Variants in CNGA3 observed in about 807,000 individuals in gnomAD.
CNGA3 encodes cyclic nucleotide-gated channel alpha-3.
A neutral mutation model predicts 46.6 loss-of-function variants in CNGA3; 42 were observed. That is an observed-to-expected ratio of 0.90 (90% CI 0.70 to 1.17). The LOEUF is 1.17. Among genes scored for constraint, CNGA3 ranks in the 50% most tolerant of loss-of-function variants. The pLI is 0.00. For synonymous variants in CNGA3, 394 were observed against 369.4 expected, an observed-to-expected ratio of 1.07 and a Z score of -0.76; for missense variants, 893 against 890.7, an observed-to-expected ratio of 1.00 and a Z score of -0.03.
intron 1 of CNGA3, among the ~76,000 whole-genome samples, chr2:98,349,420 C>G (rs1691725969): frequency 6.6e-6 from 1 of 152,192 alleles, no homozygotes; most frequent in South Asian, 2.1e-4. Context: ...ATAGGCACCT[C>G]TAAAAGCTTC....
chr2:98,377,421 A>G (rs909742104), intron 2 of CNGA3: 13 of 445,894 alleles, frequency 2.9e-5, no homozygotes, highest in Non-Finnish European at 5.0e-5. Flanking sequence ...GATGAGGGCC[A>G]GGCCAGCATG....
intron 5 of CNGA3, among the ~76,000 whole-genome samples, chr2:98,386,899 C>T (rs1460361948): frequency 1.3e-5 from 2 of 152,284 alleles, no homozygotes; most frequent in East Asian, 3.9e-4. Context: ...TCCAAACGAG[C>T]AGGAATCAGA....
intron 2 of CNGA3, chr2:98,377,471 T>C (rs1395277554): frequency 1.2e-5 from 7 of 563,332 alleles, no homozygotes; most frequent in Non-Finnish European, 2.3e-5. Context: ...CCCTGGACAG[T>C]AGCTACCTTC....
intron 1 of CNGA3, among the ~76,000 whole-genome samples, chr2:98,351,420 G>T (rs1247931616): frequency 6.6e-6 from 1 of 152,152 alleles, no homozygotes; most frequent in Admixed American, 6.5e-5. Flanking sequence ...GGCTTTATAA[G>T]GGGGAGCGTC....
intron 1 of CNGA3, among the ~76,000 whole-genome samples, chr2:98,366,900 G>A (rs1426162744): frequency 6.6e-6 from 1 of 152,168 alleles, no homozygotes; most frequent in Non-Finnish European, 1.5e-5. Context: ...CGAGGGAATC[G>A]CCTGATCTGT....
chr2:98,352,101 A>G (rs1160474350), intron 1 of CNGA3, among the ~76,000 whole-genome samples: 1 of 152,182 alleles, frequency 6.6e-6, no homozygotes, highest in Non-Finnish European at 1.5e-5. Flanking sequence ...CATGTACATG[A>G]AATTATATAT....
intron 1 of CNGA3, among the ~76,000 whole-genome samples, chr2:98,347,497 G>A (rs1020480057): frequency 2.0e-5 from 3 of 152,232 alleles, no homozygotes; most frequent in Non-Finnish European, 2.9e-5. Context: ...TCCCTACTGA[G>A]CGGCGCAGCT....
chr2:98,377,855 A>C lies in CNGA3; in HGVS notation c.215+55A>C, dbSNP rs544289005. ...GCCTGGGGGACACTGTTGCAGAAAG[A>C]AGGTAGTGACCTCTCAGGAAAAAGT... is the stretch of plus-strand genomic sequence containing the variant. On this transcript the variant is annotated intron_variant, in intron 3 of 7. Transcript: ENST00000272602. 14 of 1,511,250 alleles carry C rather than the reference A, an allele frequency of 9.3e-6. 1 individual carries two copies. The South Asian group carries it at 1.4e-4, about 16-fold the overall frequency. 93.6% of individuals were successfully genotyped at this position (1,511,250 alleles called of 1,614,324 possible).
At position 98,396,534 on chromosome 2, in the gene CNGA3, A is replaced by C. The variant is rs1482468950; in HGVS notation, c.1364A>C (p.Glu455Ala). 1.2e-6 allele frequency: 2 copies of C among 1,614,002 alleles called. No individual in the cohort carries two copies. The highest frequency in any genetic ancestry group is 1.7e-6 in the Non-Finnish European group (2 of 1,180,012). ...WANKKTVDEK[E>A]VLKSLPDKLK... ...AACAAGAAGACGGTGGATGAGAAGG[A>C]GGTGCTCAAGAGCCTCCCAGACAAG... The change falls in exon 8 of 8, where the codon GAG becomes GCG. Residue 455 changes from glutamate to alanine, a missense_variant. By Grantham distance (107) the Glu-to-Ala change is moderately radical. This residue lies in a region of CNGA3 where 548 missense variants were observed against 570.8 expected (regional missense o/e 0.96). Coordinates refer to ENST00000272602, the MANE Select transcript of CNGA3 (RefSeq NM_001298.3).
chr2:98,359,098 A>C (rs1221022277), intron 1 of CNGA3, among the ~76,000 whole-genome samples: 1 of 152,190 alleles, frequency 6.6e-6, no homozygotes, highest in Non-Finnish European at 1.5e-5. Context: ...AAGCCAACCC[A>C]GATGTCCATT....
rs1692943883 is a variant in CNGA3 at position 98,397,236 on chromosome 2, CAG to C, written c.2069_2070del (p.Glu690GlyfsTer21). On this transcript the variant is annotated frameshift_variant, in exon 8 of 8. Coordinates refer to ENST00000272602, the MANE Select transcript of CNGA3 (RefSeq NM_001298.3). LOFTEE classifies it high-confidence loss of function. Reference sequence around the variant, plus strand: ...GAAGTTCCCGGGGATGCTACAAAAACAGAGGACAAACAACAGTGAAAATGCAG... The same window carrying C: ...GAAGTTCCCGGGGATGCTACAAAAACAGGACAAACAACAGTGAAAATGCAG... 6.2e-7 allele frequency: 1 copy of C among 1,613,850 alleles called. No homozygotes were observed. Among genetic ancestry groups the C allele is most frequent in the Non-Finnish European group, 8.5e-7 (1 of 1,180,024 alleles).
intron 1 of CNGA3, among the ~76,000 whole-genome samples, chr2:98,358,122 A>G (rs1461298155): frequency 1.3e-5 from 2 of 152,220 alleles, no homozygotes; most frequent in East Asian, 1.9e-4. Context: ...TCATTATCTC[A>G]TTGGTGAGTT....
chr2:98,391,380 C>T (rs2104234233), intron 6 of CNGA3, among the ~76,000 whole-genome samples: 1 of 152,290 alleles, frequency 6.6e-6, no homozygotes, highest in South Asian at 2.1e-4. Flanking sequence ...GGGCAGGCTG[C>T]TGTGCCCGTG....
rs1279751012 is a variant in CNGA3 at position 98,385,724 on chromosome 2, T to C, written c.449+2283T>C. ...GAGACTCGGTAATTTATCAGAAAAG[T>C]GGTTTAATTGGCTTGAGGTACTGCA... On this transcript the variant is annotated intron_variant, in intron 5 of 7. Transcript: ENST00000272602. Among the ~76,000 whole-genome samples, 7 of 152,244 alleles carry C rather than the reference T, an allele frequency of 4.6e-5. No homozygotes were observed. In the South Asian group the frequency reaches 1.5e-3, roughly 32 times the overall value.
chr2:98,370,645 G>A (rs1435723779), intron 2 of CNGA3, among the ~76,000 whole-genome samples: 1 of 152,214 alleles, frequency 6.6e-6, no homozygotes, highest in Non-Finnish European at 1.5e-5. Flanking sequence ...GGAGCCTTAA[G>A]CTCTACTTCT....
rs1248978881 is a variant in CNGA3 at position 98,393,823 on chromosome 2, G to T, written c.673+1853G>T. ...AAGGAAAACATCATTAGAATTGAGA[G>T]AAGACATCTTAAAGAAGTGGGGAGG... On this transcript the variant is annotated intron_variant, in intron 7 of 7. Coordinates refer to ENST00000272602, the MANE Select transcript of CNGA3 (RefSeq NM_001298.3). 1.2e-4 allele frequency among the ~76,000 whole-genome samples: 18 copies of T among 152,150 alleles called. No individual in the cohort carries two copies. The South Asian group carries it at 3.7e-3, about 32-fold the overall frequency.
chr2:98,366,630 G>A (rs1044482744), intron 1 of CNGA3, among the ~76,000 whole-genome samples: 46 of 152,068 alleles, frequency 3.0e-4, no homozygotes, highest in African/African-American at 1.1e-3. Flanking sequence ...GAGGAGGGAT[G>A]GGTCTGGGTT....
intron 1 of CNGA3, among the ~76,000 whole-genome samples, chr2:98,347,807 G>A (rs1053435312): frequency 3.9e-5 from 6 of 152,174 alleles, no homozygotes; most frequent in African/African-American, 1.4e-4. Flanking sequence ...TCCCGGAGTG[G>A]ACAGCTCGGT....
chr2:98,385,290 C>T (rs1361637654), intron 5 of CNGA3, among the ~76,000 whole-genome samples: 1 of 152,216 alleles, frequency 6.6e-6, no homozygotes, highest in African/African-American at 2.4e-5. Context: ...ACTCCAGTGC[C>T]TGAAAAGAGA....
Sources: gnomAD v4.1 joint callset for allele counts (sites outside exome capture counted in the v4.1 genomes callset) on GRCh38, gnomAD v4.1.1 for gene constraint, gnomAD v4.1.1 regional missense constraint, MANE v1.5 for transcripts, NCBI Gene and HGNC (gene_info 2026-07-23, HGNC 2026-07-21) for gene names.